EPHA5: variants seen among roughly 807,000 people sequenced by gnomAD.
The protein encoded by EPHA5 is EPH receptor A5.
EPHA5 carries 60 observed loss-of-function variants against 105.0 expected under a neutral mutation model. The observed-to-expected ratio is 0.57, with a 90% CI of 0.46 to 0.71. EPHA5 has a LOEUF of 0.71. Ranked by LOEUF, EPHA5 falls within the 30% of genes least tolerant of loss-of-function variation. The pLI is 0.00. For synonymous variants in EPHA5, 513 were observed against 449.1 expected (o/e 1.14, Z -1.80); for missense variants, 1,218 against 1,274.7 (o/e 0.96, Z 0.68).
At chr4:65,406,546 A>G (rs1722376334) in intron 7 of EPHA5, among the ~76,000 whole-genome samples, 1 of 152,028 alleles carries the variant, frequency 6.6e-6, no homozygotes, top group African/African-American at 2.4e-5. Context: ...TTCTTCATGA[A>G]TGCTCACTCC....
chr4:65,570,792 C>G (rs1280310855), intron 3 of EPHA5, among the ~76,000 whole-genome samples: 2 of 151,854 alleles, frequency 1.3e-5, no homozygotes, highest in African/African-American at 4.8e-5. Flanking sequence ...TGTGACTATA[C>G]AATAGTTTCT....
At chr4:65,640,595 T>C (rs1016710174) in intron 2 of EPHA5, among the ~76,000 whole-genome samples, 3 of 152,122 alleles carry the variant, frequency 2.0e-5, no homozygotes, top group Non-Finnish European at 4.4e-5. Context: ...CAAAGTCATT[T>C]CTCTATTAGC....
rs1740507218 is a variant in EPHA5 at position 65,573,853 on chromosome 4, A to C, written c.910+27788T>G. ...AAGCTGTTGAGCCACGGCAAAAAAAAACCCTTCAGTCAGCACGTGAGAAAA... is the reference window on the plus strand; with the variant it reads ...AAGCTGTTGAGCCACGGCAAAAAAACACCCTTCAGTCAGCACGTGAGAAAA... On this transcript the variant is annotated intron_variant, in intron 3 of 16. Coordinates refer to ENST00000613740, the MANE Select transcript of EPHA5 (RefSeq NM_001281766.3). The C allele has an allele frequency of 6.8e-6, 11 of 1,613,324 alleles. No individual in the cohort carries two copies. In the South Asian group the frequency reaches 8.8e-5, roughly 13 times the overall value.
At chr4:65,533,448 A>C (rs554770350) in intron 3 of EPHA5, among the ~76,000 whole-genome samples, 21 of 152,250 alleles carry the variant, frequency 1.4e-4, no homozygotes, top group South Asian at 4.1e-4. Context: ...GACACACAAA[A>C]ATGGAAGTGT....
Position 65,378,807 on chromosome 4 carries a change from A to T in EPHA5, c.1794-11383T>A, listed in dbSNP as rs866700651. ...CTTTCTTTCTTTTTTATTTTTTTGC[A>T]TGGTTTAAACACAATGATTGACACT... On this transcript the variant is annotated intron_variant, in intron 8 of 16. Transcript: ENST00000613740. Among the ~76,000 whole-genome samples, 10 of 151,568 alleles carry T rather than the reference A, an allele frequency of 6.6e-5. No individual in the cohort carries two copies. The East Asian group carries it at 1.4e-3, about 21-fold the overall frequency.
chr4:65,389,206 C>T (rs1481493083), intron 8 of EPHA5, among the ~76,000 whole-genome samples: 1 of 151,974 alleles, frequency 6.6e-6, no homozygotes, highest in Non-Finnish European at 1.5e-5. Flanking sequence ...GTGTCTATTG[C>T]TTAAATAGTT....
intron 5 of EPHA5, among the ~76,000 whole-genome samples, chr4:65,421,518 G>T (rs971012523): frequency 3.3e-5 from 5 of 152,064 alleles, no homozygotes; most frequent in African/African-American, 1.2e-4. Flanking sequence ...CATGAATTAT[G>T]CTCAATTTCC....
At chr4:65,474,532 C>A (rs958249429) in intron 5 of EPHA5, among the ~76,000 whole-genome samples, 1 of 152,048 alleles carries the variant, frequency 6.6e-6, no homozygotes, top group Admixed American at 6.5e-5. Context: ...ATAAACTATC[C>A]TCTATTTTCT....
At chr4:65,549,624 G>A (rs1737704489) in intron 3 of EPHA5, among the ~76,000 whole-genome samples, 1 of 151,908 alleles carries the variant, frequency 6.6e-6, no homozygotes, top group Non-Finnish European at 1.5e-5. Context: ...ATAATTTGTA[G>A]GGCAACCCTT....
chr4:65,542,716 T>C (rs1475904332), intron 3 of EPHA5, among the ~76,000 whole-genome samples: 1 of 151,898 alleles, frequency 6.6e-6, no homozygotes, highest in Non-Finnish European at 1.5e-5. Flanking sequence ...CCCTAACTCA[T>C]TTTATGGGGC....
chr4:65,496,029 G>A (rs1306709418), intron 3 of EPHA5, among the ~76,000 whole-genome samples: 1 of 152,054 alleles, frequency 6.6e-6, no homozygotes, highest in Admixed American at 6.6e-5. Context: ...CTGTTAGATT[G>A]GGGAGAATGC....
intron 2 of EPHA5, among the ~76,000 whole-genome samples, chr4:65,605,071 G>T (rs569034856): frequency 5.6e-4 from 86 of 152,222 alleles, no homozygotes; most frequent in African/African-American, 1.9e-3. Flanking sequence ...TTTCCTGTAC[G>T]TTTATTTCCT....
chr4:65,572,219 C>T (rs1740265202), intron 3 of EPHA5, among the ~76,000 whole-genome samples: 3 of 151,868 alleles, frequency 2.0e-5, no homozygotes, highest in Non-Finnish European at 2.9e-5. Flanking sequence ...TTATTATCTC[C>T]TATAGAACTC....
intron 8 of EPHA5, among the ~76,000 whole-genome samples, chr4:65,401,663 G>T (rs560857766): frequency 3.3e-5 from 5 of 152,188 alleles, no homozygotes; most frequent in African/African-American, 9.6e-5. Context: ...GATTAGGAAA[G>T]AATTTTAATA....
At chr4:65,353,657 A>G (rs1308320585) in intron 11 of EPHA5, among the ~76,000 whole-genome samples, 1 of 151,768 alleles carries the variant, frequency 6.6e-6, no homozygotes, top group Non-Finnish European at 1.5e-5. Flanking sequence ...TCAGCGAAAC[A>G]CTTGGAACAT....
chr4:65,550,780 G>A (rs111911099), intron 3 of EPHA5, among the ~76,000 whole-genome samples: 31 of 152,230 alleles, frequency 2.0e-4, no homozygotes, highest in African/African-American at 6.7e-4. Flanking sequence ...AGATTGCAGT[G>A]AGCCAACAGC....
chr4:65,564,906 T>C (rs964456645), intron 3 of EPHA5, among the ~76,000 whole-genome samples: 1 of 151,784 alleles, frequency 6.6e-6, no homozygotes, highest in African/African-American at 2.4e-5. Flanking sequence ...AATTTCAAAA[T>C]ACTTTCACTG....
At chr4:65,453,207 C>A (rs772877578) in intron 5 of EPHA5, among the ~76,000 whole-genome samples, 2 of 152,110 alleles carry the variant, frequency 1.3e-5, no homozygotes, top group Non-Finnish European at 2.9e-5. Flanking sequence ...AAATAATATG[C>A]TCTTGTTTAT....
intron 3 of EPHA5, among the ~76,000 whole-genome samples, chr4:65,590,169 T>C (rs1742502202): frequency 6.6e-6 from 1 of 152,180 alleles, no homozygotes. Flanking sequence ...CAAACTGTGG[T>C]TCTTCTTTCT....
Sources: gnomAD v4.1 joint callset for allele counts (sites outside exome capture counted in the v4.1 genomes callset) on GRCh38, gnomAD v4.1.1 for gene constraint, MANE v1.5 for transcripts, NCBI Gene and HGNC (gene_info 2026-07-23, HGNC 2026-07-21) for gene names.